ETV1: variants seen among roughly 807,000 people sequenced by gnomAD.
ETV1 encodes ETS translocation variant 1.
In ETV1, 27 loss-of-function variants were observed where a neutral mutation model predicts 62.3. The ratio of observed to expected loss-of-function variants is 0.43; its 90% CI spans 0.32 to 0.60. The LOEUF (loss-of-function observed/expected upper bound fraction) is 0.60. Ranked by LOEUF, ETV1 falls within the 20% of genes least tolerant of loss-of-function variation. ETV1 has a pLI of 0.06. For missense variants in ETV1, 605 were observed against 605.8 expected, an observed-to-expected ratio of 1.00 and a Z score of 0.01; for synonymous variants, 222 against 199.6, an observed-to-expected ratio of 1.11 and a Z score of -0.94.
In ETV1 at chr7:13,908,604, T is replaced by C. The variant is rs76056907; in HGVS notation, c.940+1028A>G. On this transcript the variant is annotated intron_variant, in intron 11 of 13. Coordinates refer to ENST00000430479, the MANE Select transcript of ETV1 (RefSeq NM_004956.5). ...ATTCCTATAATTTTTTTTTTGACCT[T>C]GAATGAATTTAGAAATCTAAAGGAG... Among the ~76,000 whole-genome samples the C allele has an allele frequency of 2.3e-3, 344 of 152,138 alleles. 1 individual carries two copies. The highest frequency in any genetic ancestry group is 7.9e-3 in the African/African-American group (329 of 41,498).
intron 5 of ETV1, among the ~76,000 whole-genome samples, chr7:13,982,064 T>A (rs1278316074): frequency 6.6e-6 from 1 of 152,076 alleles, no homozygotes; most frequent in Non-Finnish European, 1.5e-5. Flanking sequence ...CAAAACACCT[T>A]TAATACTTGA....
intron 10 of ETV1, among the ~76,000 whole-genome samples, chr7:13,910,123 C>A (rs1373725559): frequency 1.3e-5 from 2 of 151,630 alleles, no homozygotes; most frequent in African/African-American, 2.4e-5. Flanking sequence ...TAGTCTGATG[C>A]TCTGAGACAG....
intron 6 of ETV1, among the ~76,000 whole-genome samples, chr7:13,956,982 C>G (rs976706603): frequency 1.3e-5 from 2 of 152,176 alleles, no homozygotes; most frequent in East Asian, 3.9e-4. Flanking sequence ...GGAGGTATAT[C>G]CAAATACTCA....
At chr7:13,945,254 C>T (rs180965273) in intron 6 of ETV1, among the ~76,000 whole-genome samples, 11 of 152,106 alleles carry the variant, frequency 7.2e-5, no homozygotes, top group Non-Finnish European at 1.2e-4. Context: ...TGATGTATGC[C>T]GCATTCAAAT....
chr7:13,973,456 C>G (rs1178369201), intron 6 of ETV1, among the ~76,000 whole-genome samples: 9 of 152,274 alleles, frequency 5.9e-5, no homozygotes, highest in African/African-American at 2.2e-4. Flanking sequence ...TCTAACCTCT[C>G]AATTCCAATA....
At chr7:13,983,081 GGTTGTT>G (rs143500151) in intron 5 of ETV1, among the ~76,000 whole-genome samples, 2,461 of 152,058 alleles carry the variant, frequency 0.016, 65 homozygotes, top group African/African-American at 0.056. Flanking sequence ...GCTGTAGAAA[GGTTGTT>G]CTTGCAGATA....
At chr7:13,924,804 T>C (rs1785223426) in intron 9 of ETV1, among the ~76,000 whole-genome samples, 1 of 152,152 alleles carries the variant, frequency 6.6e-6, no homozygotes, top group African/African-American at 2.4e-5. Context: ...ATCTGTAAAA[T>C]TTGGGTGTGG....
At chr7:13,955,835 A>AT (rs147151721) in intron 6 of ETV1, among the ~76,000 whole-genome samples, 1 of 152,062 alleles carries the variant, frequency 6.6e-6, no homozygotes, top group Non-Finnish European at 1.5e-5. Context: ...TAAAACACTC[A>AT]TTTTTTTCTA....
chr7:13,931,392 T>G, intron 9 of ETV1, 110 bp downstream of exon 9: 1 of 1,166,552 alleles, frequency 8.6e-7, no homozygotes, highest in Non-Finnish European at 1.2e-6. Flanking sequence ...ATCTGAAAGA[T>G]CTTATTAAAA....
intron 6 of ETV1, among the ~76,000 whole-genome samples, chr7:13,973,894 C>T (rs1229197281): frequency 3.3e-5 from 5 of 151,948 alleles, no homozygotes; most frequent in Non-Finnish European, 5.9e-5. Flanking sequence ...CCTTAAGAAA[C>T]GAATTAAGAC....
At chr7:13,984,467 T>C (rs1782339012) in intron 5 of ETV1, among the ~76,000 whole-genome samples, 1 of 151,864 alleles carries the variant, frequency 6.6e-6, no homozygotes, top group Non-Finnish European at 1.5e-5. Context: ...ATATTTAATT[T>C]CTCAAAACAA....
chr7:13,947,125 T>A (rs1285838538), intron 6 of ETV1, among the ~76,000 whole-genome samples: 5 of 152,186 alleles, frequency 3.3e-5, no homozygotes, highest in African/African-American at 1.2e-4. Context: ...TCCCAAACAA[T>A]CATAACATTG....
intron 9 of ETV1, among the ~76,000 whole-genome samples, chr7:13,917,488 TGTACTTTTA>T (rs1201796879): frequency 6.6e-6 from 1 of 151,884 alleles, no homozygotes; most frequent in African/African-American, 2.4e-5. Context: ...CTGCTAATTT[TGTACTTTTA>T]GTAGAGACAG....
chr7:13,915,562 T>C (rs1784059839), intron 9 of ETV1, among the ~76,000 whole-genome samples: 1 of 152,172 alleles, frequency 6.6e-6, no homozygotes, highest in Non-Finnish European at 1.5e-5. Flanking sequence ...AAGCTCATAG[T>C]TTATGTTTAA....
chr7:13,960,691 T>A (rs1790067461), intron 6 of ETV1, among the ~76,000 whole-genome samples: 1 of 152,076 alleles, frequency 6.6e-6, no homozygotes, highest in Admixed American at 6.6e-5. Flanking sequence ...ACTTTAAGAT[T>A]TTACCTCAGT....
intron 9 of ETV1, among the ~76,000 whole-genome samples, chr7:13,928,040 T>C (rs1168545493): frequency 6.6e-6 from 1 of 152,212 alleles, no homozygotes; most frequent in Non-Finnish European, 1.5e-5. Flanking sequence ...CATACATACC[T>C]TCGACAAACG....
In ETV1 at chr7:13,976,634, T is replaced by C. The variant is rs185828257; in HGVS notation, c.235+793A>G. Among the ~76,000 whole-genome samples the C allele has an allele frequency of 1.7e-3, 259 of 152,350 alleles. 2 individuals are homozygous for C. Among genetic ancestry groups the C allele is most frequent in the Middle Eastern group, 0.01 (3 of 294 alleles). On this transcript the variant is annotated intron_variant, in intron 6 of 13. Coordinates refer to ENST00000430479, the MANE Select transcript of ETV1 (RefSeq NM_004956.5). ...AGTTTCATAATTAAGATGGCATTTATACCCTTTTCCTTAGTATTTGCTCCT... is the reference window on the plus strand; with the variant it reads ...AGTTTCATAATTAAGATGGCATTTACACCCTTTTCCTTAGTATTTGCTCCT...
rs1562600746 is a variant in ETV1, at chr7:13,911,320, A to G, written c.803-13T>C. ...CAGCTAGGCACTTCTGAAAGAGGAA[A>G]CAATATTGGTCAAAAAGAGTCTGGA... On this transcript the variant is annotated splice_polypyrimidine_tract_variant and intron_variant, in intron 9 of 13. Coordinates refer to ENST00000430479, the MANE Select transcript of ETV1 (RefSeq NM_004956.5). 1.2e-6 allele frequency: 2 copies of G among 1,600,762 alleles called. No homozygotes were observed. The highest frequency in any genetic ancestry group is 3.4e-5 in the Admixed American group (2 of 59,686).
At chr7:13,947,275 G>A (rs954421391) in intron 6 of ETV1, among the ~76,000 whole-genome samples, 2 of 151,482 alleles carry the variant, frequency 1.3e-5, no homozygotes, top group African/African-American at 2.4e-5. Context: ...GATGATGGAT[G>A]ATGTCTTGTA....
Sources: allele counts gnomAD v4.1 joint callset (sites outside exome capture counted in the v4.1 genomes callset), GRCh38; gene constraint gnomAD v4.1.1; transcripts MANE v1.5; gene names NCBI Gene and HGNC (gene_info 2026-07-23, HGNC 2026-07-21).